Variants in LRIT3 observed in about 807,000 individuals in gnomAD.
The protein encoded by LRIT3 is leucine-rich repeat, immunoglobulin-like domain and transmembrane domain-containing protein 3.
LRIT3 carries 14 observed loss-of-function variants against 22.6 expected under a neutral mutation model. The observed-to-expected ratio is 0.62, with a 90% CI of 0.41 to 0.97. The LOEUF (loss-of-function observed/expected upper bound fraction) is 0.97. Ranked by LOEUF, LRIT3 falls within the 50% of genes least tolerant of loss-of-function variation. The probability of loss-of-function intolerance (pLI) is 0.00; values close to 1 mark genes in which losing one functional copy is unlikely to be tolerated. For synonymous variants in LRIT3, 306 were observed against 304.5 expected (o/e 1.01, Z -0.05); for missense variants, 783 against 803.0 (o/e 0.98, Z 0.30).
intron 1 of LRIT3, among the ~76,000 whole-genome samples, chr4:109,850,579 C>A (rs1000380582): frequency 6.6e-6 from 1 of 150,902 alleles, no homozygotes; most frequent in Non-Finnish European, 1.5e-5. Flanking sequence ...CAGGTTCAAG[C>A]GATTCTCCCA....
chr4:109,870,650 C>G lies in LRIT3; in HGVS notation c.1901C>G (p.Pro634Arg). 2 of 1,614,022 alleles carry G rather than the reference C, an allele frequency of 1.2e-6. No individual in the cohort carries two copies. The highest frequency in any genetic ancestry group is 1.7e-6 in the Non-Finnish European group (2 of 1,179,984). ...ETYIQFETLF[P>R]RSQSVGELWT... ...TATATCCAATTTGAGACCCTGTTTC[C>G]CAGGTCTCAAAGTGTAGGTGAGCTC... The change falls in exon 4 of 4, where the codon CCC becomes CGC. Residue 634 changes from proline (P) to arginine (R), a missense_variant. Physicochemically the swap from Pro to Arg is moderately radical, Grantham distance 103. Coordinates refer to ENST00000594814, the MANE Select transcript of LRIT3 (RefSeq NM_198506.5).
intron 2 of LRIT3, 104 bp from the exon 3 acceptor site, chr4:109,867,537 C>A (rs568236919): frequency 1.9e-6 from 2 of 1,073,698 alleles, no homozygotes; most frequent in East Asian, 2.4e-5. Flanking sequence ...CAAAGCACTT[C>A]TGTTTATAGG....
Position 109,870,505 on chromosome 4 carries a change from G to A in LRIT3, c.1756G>A (p.Val586Met), listed in dbSNP as rs754527514. Residue 586 changes from valine to methionine, a missense_variant, in exon 4 of 4, where the codon GTG becomes ATG. Physicochemically the swap from Val to Met is conservative, Grantham distance 21. Around this residue, in one of 2 missense-constraint regions of LRIT3, gnomAD observed 756 missense variants for 753.8 expected, o/e 1.00. Coordinates refer to ENST00000594814, the MANE Select transcript of LRIT3 (RefSeq NM_198506.5). ...GDDSQWSLLLVVTSTACVVIL... is the reference protein window; with the variant it reads ...GDDSQWSLLLMVTSTACVVIL... ...TGATTCTCAATGGTCTCTCCTTCTC[G>A]TGGTGACCAGTACTGCCTGTGTTGT... 1.5e-5 allele frequency: 24 copies of A among 1,613,950 alleles called. No homozygotes were observed. Among genetic ancestry groups the A allele is most frequent in the Admixed American group, 5.0e-5 (3 of 60,002 alleles).
At chr4:109,857,231 T>C (rs1734425767) in intron 2 of LRIT3, among the ~76,000 whole-genome samples, 1 of 151,172 alleles carries the variant, frequency 6.6e-6, no homozygotes, top group African/African-American at 2.4e-5. Flanking sequence ...TCCATATAGA[T>C]AGTATATATA....
At chr4:109,860,246 A>G (rs1445639575) in intron 2 of LRIT3, among the ~76,000 whole-genome samples, 1 of 152,184 alleles carries the variant, frequency 6.6e-6, no homozygotes, top group African/African-American at 2.4e-5. Flanking sequence ...ACTTGTACCC[A>G]AATTTGCTGA....
At chr4:109,866,564 C>G (rs1734685392) in intron 2 of LRIT3, among the ~76,000 whole-genome samples, 1 of 152,184 alleles carries the variant, frequency 6.6e-6, no homozygotes, top group Non-Finnish European at 1.5e-5. Context: ...ACTGTTGCCT[C>G]TCCTTTATAT....
At chr4:109,855,885 T>C (rs1359164456) in intron 2 of LRIT3, among the ~76,000 whole-genome samples, 1 of 152,190 alleles carries the variant, frequency 6.6e-6, no homozygotes, top group East Asian at 1.9e-4. Flanking sequence ...TCTAGTTTGA[T>C]TGCACTGTAG....
chr4:109,851,743 C>T lies in LRIT3; in HGVS notation c.356C>T (p.Ala119Val). Residue 119 changes from alanine to valine, a missense_variant, in exon 2 of 4, where the codon GCT becomes GTT. Ala to Val is a moderately conservative substitution (Grantham distance 64). Around this residue, in one of 2 missense-constraint regions of LRIT3, gnomAD observed 756 missense variants for 753.8 expected, o/e 1.00. Coordinates refer to ENST00000594814, the MANE Select transcript of LRIT3 (RefSeq NM_198506.5). ...ELRLDGNSLAAFPWASLLDMP... is the reference protein window; with the variant it reads ...ELRLDGNSLAVFPWASLLDMP... ...CGCTTGGATGGGAATTCTCTGGCTGCTTTCCCTTGGGCATCTCTGCTGGAC... is the reference window on the plus strand; with the variant it reads ...CGCTTGGATGGGAATTCTCTGGCTGTTTTCCCTTGGGCATCTCTGCTGGAC... The T allele has an allele frequency of 1.3e-6, 2 of 1,551,748 alleles. No homozygotes were observed. The highest frequency in any genetic ancestry group is 1.7e-6 in the Non-Finnish European group (2 of 1,147,020).
rs1399661511 is a variant in LRIT3 at position 109,871,815 on chromosome 4, GGTTAAA to G, written c.*1027_*1032del. 1 of 152,096 alleles carries G rather than the reference GGTTAAA, an allele frequency of 6.6e-6. No individual in the cohort carries two copies. Among genetic ancestry groups the G allele is most frequent in the Non-Finnish European group, 1.5e-5 (1 of 67,996 alleles). The allele number at this position is 152,096 out of a possible 1,614,324, so 9.4% of individuals were successfully genotyped here. ...TTCATTTGGTTAGATTCTTTTCCTA[GGTTAAA>G]AACATCGGGGAACTTAAATACATAG... On this transcript the variant is annotated 3_prime_UTR_variant, in exon 4 of 4. Coordinates refer to ENST00000594814, the MANE Select transcript of LRIT3 (RefSeq NM_198506.5).
At chr4:109,858,019 C>G (rs536241446) in intron 2 of LRIT3, among the ~76,000 whole-genome samples, 58 of 152,238 alleles carry the variant, frequency 3.8e-4, no homozygotes, top group African/African-American at 1.4e-3. Flanking sequence ...TGAGAAACAT[C>G]CATTAGTGGG....
In LRIT3 at chr4:109,854,497, A is replaced by G. The variant is rs546354899; in HGVS notation, c.589+2521A>G. Reference sequence around the variant, plus strand: ...TGGCTAAGATGATGGGGTTTTCTAAATATACAATCATGTCATCTGCAAACA... The same window carrying G: ...TGGCTAAGATGATGGGGTTTTCTAAGTATACAATCATGTCATCTGCAAACA... On this transcript the variant is annotated intron_variant, in intron 2 of 3. Transcript: ENST00000594814. Among the ~76,000 whole-genome samples the G allele has an allele frequency of 4.6e-5, 7 of 152,310 alleles. No individual in the cohort carries two copies. In the East Asian group the frequency reaches 1.2e-3, roughly 25 times the overall value.
chr4:109,853,718 A>G (rs1734331134), intron 2 of LRIT3, among the ~76,000 whole-genome samples: 1 of 152,026 alleles, frequency 6.6e-6, no homozygotes, highest in Admixed American at 6.6e-5. Flanking sequence ...AGGGTTTTTT[A>G]TGATTTTAGG....
intron 2 of LRIT3, among the ~76,000 whole-genome samples, chr4:109,861,146 A>C (rs563212878): frequency 6.6e-6 from 1 of 152,142 alleles, no homozygotes; most frequent in Non-Finnish European, 1.5e-5. Context: ...AGGCAGGCAG[A>C]TCACTTTTAG....
At chr4:109,859,360 GAAGTA>G (rs901342623) in intron 2 of LRIT3, among the ~76,000 whole-genome samples, 5 of 152,204 alleles carry the variant, frequency 3.3e-5, no homozygotes, top group Non-Finnish European at 7.3e-5. Context: ...TCTGTATGCA[GAAGTA>G]CAGTATACAG....
intron 3 of LRIT3, among the ~76,000 whole-genome samples, chr4:109,868,230 G>C (rs1170347246): frequency 6.6e-6 from 1 of 152,124 alleles, no homozygotes; most frequent in African/African-American, 2.4e-5. Context: ...TCATCAACTT[G>C]GATACAGCTT....
At chr4:109,853,212 G>A (rs536784350) in intron 2 of LRIT3, among the ~76,000 whole-genome samples, 3 of 152,082 alleles carry the variant, frequency 2.0e-5, no homozygotes, top group Non-Finnish European at 2.9e-5. Flanking sequence ...GTGTAAAAAC[G>A]TTCCTATTTC....
At position 109,851,556 on chromosome 4, in the gene LRIT3, G is replaced by C. The variant is rs756641450; in HGVS notation, c.169G>C (p.Val57Leu). 1.0e-5 allele frequency: 16 copies of C among 1,551,580 alleles called. No individual in the cohort carries two copies. The East Asian group carries it at 3.9e-4, about 38-fold the overall frequency. ...GAACGAGCTGCCTACGAACCTCCCC[G>C]TGGACACTGTGAAGCTTCGCATAGA... ...DMNELPTNLPVDTVKLRIEKT... is the reference protein window; with the variant it reads ...DMNELPTNLPLDTVKLRIEKT... Residue 57 changes from valine (V) to leucine (L), a missense_variant, in exon 2 of 4, where the codon GTG (valine) becomes CTG (leucine). Val to Leu is a conservative substitution (Grantham distance 32). Transcript: ENST00000594814.
intron 1 of LRIT3, chr4:109,851,288 C>G (rs1250065542): frequency 1.8e-6 from 1 of 557,564 alleles, no homozygotes; most frequent in African/African-American, 1.9e-5. Context: ...GGTTGAGACA[C>G]TGGTGAAGTG....
rs1487708544 is a variant in LRIT3, at chr4:109,848,220, C to G, written c.19C>G (p.Leu7Val). The G allele has an allele frequency of 8.1e-7, 1 of 1,231,394 alleles. No homozygotes were observed. Among genetic ancestry groups the G allele is most frequent in the East Asian group, 3.2e-5 (1 of 31,710 alleles). 76.3% of individuals were successfully genotyped at this position (1,231,394 alleles called of 1,614,324 possible). Residue 7 changes from leucine to valine, a missense_variant, in exon 1 of 4, where the codon CTG (leucine) becomes GTG (valine). By Grantham distance (32) the Leu-to-Val change is conservative. This residue lies in a region of LRIT3 where 27 missense variants were observed against 49.2 expected (regional missense o/e 0.55). Coordinates refer to ENST00000594814, the MANE Select transcript of LRIT3 (RefSeq NM_198506.5). MHLFAC[L>V]CIVLSFLEGV... Reference sequence around the variant, plus strand: ...AGGAGCAATGCATCTCTTTGCATGTCTGTGCATTGTCCTTAGCTTTTTGGA... The same window carrying G: ...AGGAGCAATGCATCTCTTTGCATGTGTGTGCATTGTCCTTAGCTTTTTGGA...
Sources: gnomAD v4.1 joint callset for allele counts (sites outside exome capture counted in the v4.1 genomes callset) on GRCh38, gnomAD v4.1.1 for gene constraint, gnomAD v4.1.1 regional missense constraint, MANE v1.5 for transcripts, NCBI Gene and HGNC (gene_info 2026-07-23, HGNC 2026-07-21) for gene names.